RIMS2: variants seen among roughly 807,000 people sequenced by gnomAD.
RIMS2 encodes the protein regulating synaptic membrane exocytosis 2.
Under a neutral mutation model 174.4 loss-of-function variants are expected in RIMS2, and 59 were observed. That is an observed-to-expected ratio of 0.34 (90% confidence interval 0.27 to 0.42). RIMS2 has a LOEUF of 0.42. RIMS2 is among the 10% of genes least tolerant of loss of function. The pLI is 1.00. For missense variants in RIMS2, 1,620 were observed against 1,666.3 expected (o/e 0.97, Z 0.48); for synonymous variants, 606 against 572.5 (o/e 1.06, Z -0.84).
intron 2 of RIMS2, among the ~76,000 whole-genome samples, chr8:103,752,051 C>G (rs1268618454): frequency 2.0e-5 from 3 of 152,180 alleles, no homozygotes; most frequent in East Asian, 3.9e-4. Flanking sequence ...ATGGTAATGC[C>G]TAGGTTTTCT....
At chr8:103,983,821 C>T (rs1242071173) in intron 16 of RIMS2, among the ~76,000 whole-genome samples, 1 of 152,128 alleles carries the variant, frequency 6.6e-6, no homozygotes, top group East Asian at 1.9e-4. Flanking sequence ...AAGAAACCCC[C>T]TGAGACATTC....
intron 4 of RIMS2, among the ~76,000 whole-genome samples, chr8:103,905,775 C>CTTTTTTTTTT: frequency 8.2e-6 from 1 of 122,054 alleles, no homozygotes; most frequent in Non-Finnish European, 1.7e-5. Context: ...ATTTTCTTTT[C>CTTTTTTTTTT]TTTTTTTTTT....
intron 4 of RIMS2, among the ~76,000 whole-genome samples, chr8:103,909,628 A>AAG: frequency 6.6e-6 from 1 of 152,228 alleles, no homozygotes; most frequent in East Asian, 1.9e-4. Context: ...TAGCATGATG[A>AAG]AGAATATCAT....
At position 103,918,470 on chromosome 8, in the gene RIMS2, A is replaced by G. The variant is rs1253051370; in HGVS notation, c.2066A>G (p.His689Arg). The G allele has an allele frequency of 2.5e-6, 4 of 1,606,912 alleles. No homozygotes were observed. The South Asian group carries it at 3.3e-5, about 13-fold the overall frequency. Residue 689 changes from histidine to arginine, a missense_variant, in exon 9 of 24, where the codon CAT becomes CGT. Physicochemically the swap from His to Arg is conservative, Grantham distance 29 (BLOSUM62 0). Coordinates refer to ENST00000504942, the Ensembl canonical transcript of RIMS2. Reference sequence around the variant, plus strand: ...ATACCGCGAATACCTGATAGCACACATGCACAACTGGAGTCCAGTAAGTTT... The same window carrying G: ...ATACCGCGAATACCTGATAGCACACGTGCACAACTGGAGTCCAGTAAGTTT...
rs1163911538 is a variant in RIMS2 at position 104,223,431 on chromosome 8, C to T, written c.3335-21485C>T. On this transcript the variant is annotated intron_variant, in intron 19 of 23. Transcript: ENST00000504942. ...CCGCTCCGCCCGCCACCGCCTCCAT[C>T]TCCTCCTCTGGACCCCTCTCCAATA... 1.5e-5 allele frequency: 19 copies of T among 1,306,328 alleles called. No individual in the cohort carries two copies. The African/African-American group carries it at 2.5e-4, about 17-fold the overall frequency. 80.9% of individuals were successfully genotyped at this position (1,306,328 alleles called of 1,614,324 possible). A position where few individuals can be genotyped will look rare whatever the true frequency, so the allele number is the denominator to read the frequency against.
chr8:103,915,233 A>G (rs1242322876), intron 6 of RIMS2, among the ~76,000 whole-genome samples: 1 of 152,092 alleles, frequency 6.6e-6, no homozygotes, highest in African/African-American at 2.4e-5. Context: ...AAAATTACCA[A>G]TTGTTATGTT....
intron 3 of RIMS2, among the ~76,000 whole-genome samples, chr8:103,839,144 C>A (rs2098924031): frequency 6.6e-6 from 1 of 152,200 alleles, no homozygotes; most frequent in Admixed American, 6.5e-5. Flanking sequence ...AATCCTTTTA[C>A]ATATTCATTG....
intron 3 of RIMS2, among the ~76,000 whole-genome samples, chr8:103,849,229 G>A (rs1199473791): frequency 6.6e-6 from 1 of 152,048 alleles, no homozygotes; most frequent in Non-Finnish European, 1.5e-5. Context: ...TTCATTTCTA[G>A]TTGGCCAGCA....
At chr8:103,699,471 T>C (rs2097144071) in intron 2 of RIMS2, among the ~76,000 whole-genome samples, 1 of 152,102 alleles carries the variant, frequency 6.6e-6, no homozygotes, top group Non-Finnish European at 1.5e-5. Flanking sequence ...CTCAAGCAGT[T>C]CTCCCACCTT....
At chr8:104,094,478 A>G in intron 19 of RIMS2, 1 of 628,144 alleles carries the variant, frequency 1.6e-6, no homozygotes, top group Non-Finnish European at 2.9e-6. Flanking sequence ...CTTTCAAAAG[A>G]CCAAAGGGAA....
At chr8:103,618,067 C>G (rs185048463) in intron 1 of RIMS2, among the ~76,000 whole-genome samples, 7 of 152,110 alleles carry the variant, frequency 4.6e-5, no homozygotes, top group Admixed American at 4.6e-4. Context: ...TTCTCAATGG[C>G]AAAGACCATG....
intron 19 of RIMS2, among the ~76,000 whole-genome samples, chr8:104,191,638 A>G (rs2098998333): frequency 6.6e-6 from 1 of 152,222 alleles, no homozygotes. Context: ...AGTTTGTATT[A>G]ACCAGTCTTT....
chr8:103,880,888 G>A (rs2099164052), intron 3 of RIMS2, among the ~76,000 whole-genome samples: 1 of 151,290 alleles, frequency 6.6e-6, no homozygotes, highest in Non-Finnish European at 1.5e-5. Flanking sequence ...TAAAATTTTA[G>A]AATTTGGTTG....
intron 1 of RIMS2, among the ~76,000 whole-genome samples, chr8:103,557,653 A>C (rs1305688815): frequency 1.3e-5 from 2 of 152,128 alleles, no homozygotes; most frequent in Non-Finnish European, 2.9e-5. Flanking sequence ...TATCATTGCT[A>C]TTTCCATAAG....
chr8:103,769,366 C>T (rs1385792964), intron 3 of RIMS2, among the ~76,000 whole-genome samples: 3 of 152,028 alleles, frequency 2.0e-5, no homozygotes, highest in Non-Finnish European at 2.9e-5. Context: ...TCTTTTTGCT[C>T]AGACTGGAGT....
At chr8:103,501,122 C>G in intron 1 of RIMS2, 60 bp downstream of exon 1, 1 of 1,319,646 alleles carries the variant, frequency 7.6e-7, no homozygotes, top group Non-Finnish European at 1.0e-6. Context: ...TCGCCCACTG[C>G]CCTGCGGCCG....
chr8:103,695,209 G>T (rs1333665174), intron 1 of RIMS2, among the ~76,000 whole-genome samples: 1 of 152,106 alleles, frequency 6.6e-6, no homozygotes, highest in East Asian at 1.9e-4. Flanking sequence ...ACACTTAGTT[G>T]CTATAATCTC....
At chr8:104,142,529 A>C (rs149991543) in intron 19 of RIMS2, among the ~76,000 whole-genome samples, 1 of 152,276 alleles carries the variant, frequency 6.6e-6, no homozygotes, top group East Asian at 1.9e-4. Flanking sequence ...TAAAAAAAGA[A>C]ATCTTTAATA....
At chr8:103,877,083 G>A (rs1242294270) in intron 3 of RIMS2, among the ~76,000 whole-genome samples, 6 of 151,078 alleles carry the variant, frequency 4.0e-5, no homozygotes, top group Admixed American at 2.0e-4. Context: ...CCAGTTGTGA[G>A]ATCAAATGGT....
Sources: allele counts gnomAD v4.1 joint callset (sites outside exome capture counted in the v4.1 genomes callset), GRCh38; gene constraint gnomAD v4.1.1; transcripts MANE v1.5; gene names NCBI Gene and HGNC (gene_info 2026-07-23, HGNC 2026-07-21).